The following DLGAP2 variants were observed in gnomAD, a reference collection of about 807,000 sequenced individuals.
DLGAP2 encodes disks large-associated protein 2.
DLGAP2 carries 26 observed loss-of-function variants against 100.3 expected under a neutral mutation model. That is an observed-to-expected ratio of 0.26 (90% CI 0.19 to 0.36). DLGAP2 has a LOEUF of 0.36. DLGAP2 is among the 10% of genes least tolerant of loss of function. The probability of loss-of-function intolerance (pLI) is 1.00; values close to 1 mark genes in which losing one functional copy is unlikely to be tolerated. For missense variants in DLGAP2, 1,858 were observed against 1,453.2 expected (o/e 1.28, Z -4.53); for synonymous variants, 886 against 630.1 (o/e 1.41, Z -6.08).
intron 4 of DLGAP2, among the ~76,000 whole-genome samples, chr8:1,507,186 A>G (rs1799951247): frequency 6.6e-6 from 1 of 152,182 alleles, no homozygotes; most frequent in African/African-American, 2.4e-5. Context: ...GGTCAATGGG[A>G]CCGGGCGCCG....
At chr8:909,277 A>G (rs557372263) in intron 2 of DLGAP2, among the ~76,000 whole-genome samples, 34 of 152,328 alleles carry the variant, frequency 2.2e-4, no homozygotes, top group African/African-American at 8.2e-4. Flanking sequence ...CATGTGTAAA[A>G]AAGATTTTTG....
At chr8:1,041,033 A>G (rs1802332084) in intron 2 of DLGAP2, among the ~76,000 whole-genome samples, 1 of 152,198 alleles carries the variant, frequency 6.6e-6, no homozygotes, top group South Asian at 2.1e-4. Flanking sequence ...TGTGTGAGTG[A>G]GGATGGCATC....
intron 6 of DLGAP2, among the ~76,000 whole-genome samples, chr8:1,589,671 C>T (rs1796232285): frequency 6.6e-6 from 1 of 152,204 alleles, no homozygotes; most frequent in Non-Finnish European, 1.5e-5. Context: ...TGGTCTCAAA[C>T]TCCTGGGCTC....
intron 5 of DLGAP2, among the ~76,000 whole-genome samples, chr8:1,550,429 T>C (rs567474593): frequency 6.6e-6 from 1 of 152,082 alleles, no homozygotes; most frequent in Non-Finnish European, 1.5e-5. Context: ...CAGTGGGCCA[T>C]TTCTTTAAGG....
intron 12 of DLGAP2, chr8:1,688,195 T>A (rs1799163255): frequency 6.6e-6 from 1 of 152,148 alleles, no homozygotes; most frequent in Admixed American, 6.6e-5. Context: ...TCCCGTGCCA[T>A]GTGGCCAGGG....
chr8:1,699,164 G>C (rs187850362), intron 14 of DLGAP2, among the ~76,000 whole-genome samples: 81 of 152,330 alleles, frequency 5.3e-4, no homozygotes, highest in African/African-American at 1.7e-3. Flanking sequence ...TGGTCATTGA[G>C]AGCAAACGTG....
At chr8:1,448,383 G>C (rs1288951347) in intron 3 of DLGAP2, among the ~76,000 whole-genome samples, 2 of 152,178 alleles carry the variant, frequency 1.3e-5, no homozygotes, top group East Asian at 3.8e-4. Context: ...CAGTTTCCAT[G>C]TAGTTGAGTG....
chr8:1,023,562 A>G (rs115058277), intron 2 of DLGAP2, among the ~76,000 whole-genome samples: 360 of 151,448 alleles, frequency 2.4e-3, no homozygotes, highest in African/African-American at 8.3e-3. Context: ...GTGTGTGTGA[A>G]CCTCAGTGTG....
At chr8:1,157,532 C>G (rs1192538919) in intron 2 of DLGAP2, among the ~76,000 whole-genome samples, 1 of 152,180 alleles carries the variant, frequency 6.6e-6, no homozygotes, top group African/African-American at 2.4e-5. Context: ...TTACGTGGGC[C>G]TTTCAGAACC....
chr8:1,347,658 C>A (rs1265208065), intron 3 of DLGAP2, among the ~76,000 whole-genome samples: 2 of 151,162 alleles, frequency 1.3e-5, no homozygotes, highest in East Asian at 3.9e-4. Context: ...AGTTCCCACA[C>A]AGAGCTGCGC....
At chr8:1,089,220 C>G (rs1804090689) in intron 2 of DLGAP2, among the ~76,000 whole-genome samples, 1 of 152,246 alleles carries the variant, frequency 6.6e-6, no homozygotes, top group African/African-American at 2.4e-5. Flanking sequence ...GCCATAGTAG[C>G]TGCTGCAAAA....
At chr8:1,595,204 C>A (rs892565511) in intron 6 of DLGAP2, among the ~76,000 whole-genome samples, 1 of 152,066 alleles carries the variant, frequency 6.6e-6, no homozygotes, top group African/African-American at 2.4e-5. Flanking sequence ...TCACACCTGG[C>A]TAATTTTTGT....
intron 1 of DLGAP2, among the ~76,000 whole-genome samples, chr8:761,868 G>C (rs1157887404): frequency 6.6e-6 from 1 of 152,244 alleles, no homozygotes; most frequent in Non-Finnish European, 1.5e-5. Flanking sequence ...AGGCCCTGGA[G>C]AGGGGATGGG....
At chr8:870,580 C>T (rs1002682012) in intron 1 of DLGAP2, among the ~76,000 whole-genome samples, 1 of 152,218 alleles carries the variant, frequency 6.6e-6, no homozygotes, top group South Asian at 2.1e-4. Flanking sequence ...ACTTCCTGCT[C>T]TGGTTCCTGG....
At chr8:769,854 C>G (rs112826721) in intron 1 of DLGAP2, among the ~76,000 whole-genome samples, 2 of 152,050 alleles carry the variant, frequency 1.3e-5, no homozygotes, top group Non-Finnish European at 2.9e-5. Context: ...GGACATGTTA[C>G]GGAAAACATG....
At chr8:1,526,186 C>T (rs1462926759) in intron 4 of DLGAP2, among the ~76,000 whole-genome samples, 1 of 151,454 alleles carries the variant, frequency 6.6e-6, no homozygotes, top group Non-Finnish European at 1.5e-5. Context: ...GAACGCTGTT[C>T]CCTCCTCTGC....
chr8:917,122 G>A (rs958001193), intron 2 of DLGAP2, among the ~76,000 whole-genome samples: 2 of 152,216 alleles, frequency 1.3e-5, no homozygotes, highest in African/African-American at 4.8e-5. Flanking sequence ...CAGGAGTGAA[G>A]GGCCGGGGAT....
chr8:1,039,349 G>A lies in DLGAP2; in HGVS notation c.73+131383G>A, dbSNP rs535288486. Among the ~76,000 whole-genome samples the A allele has an allele frequency of 9.1e-4, 137 of 151,254 alleles. No homozygotes were observed. The South Asian group carries it at 0.014, about 15-fold the overall frequency. ...TCAGCTTGGTGTGCGTGGTCAGCTC[G>A]GTGTGCGTGGTCAGCTCGGTGTGCA... On this transcript the variant is annotated intron_variant, in intron 2 of 14. Coordinates refer to ENST00000637795, the MANE Select transcript of DLGAP2 (RefSeq NM_001346810.2).
chr8:1,585,768 T>G (rs1160768944), intron 6 of DLGAP2, among the ~76,000 whole-genome samples: 5 of 152,190 alleles, frequency 3.3e-5, no homozygotes, highest in Admixed American at 3.3e-4. Flanking sequence ...CGCAGTCCAT[T>G]CATTAAATCA....
Sources: allele counts gnomAD v4.1 joint callset (sites outside exome capture counted in the v4.1 genomes callset), GRCh38; gene constraint gnomAD v4.1.1; transcripts MANE v1.5; gene names NCBI Gene and HGNC (gene_info 2026-07-23, HGNC 2026-07-21).